Variants in PTPRT observed in about 807,000 individuals in gnomAD.
The protein encoded by PTPRT is protein tyrosine phosphatase receptor type T, also known as receptor-type tyrosine-protein phosphatase T.
Under a neutral mutation model 176.8 loss-of-function variants are expected in PTPRT, and 56 were observed. The observed-to-expected ratio is 0.32, with a 90% CI of 0.26 to 0.40. PTPRT has a LOEUF of 0.40. PTPRT is among the 10% of genes least tolerant of loss of function. PTPRT has a pLI of 1.00. For synonymous variants in PTPRT, 783 were observed against 739.0 expected, an observed-to-expected ratio of 1.06 and a Z score of -0.96; for missense variants, 1,540 against 1,908.2, an observed-to-expected ratio of 0.81 and a Z score of 3.60.
intron 7 of PTPRT, among the ~76,000 whole-genome samples, chr20:42,596,171 A>C (rs1332366229): frequency 3.3e-5 from 5 of 152,174 alleles, no homozygotes; most frequent in Non-Finnish European, 7.3e-5. Flanking sequence ...AGATCTATCA[A>C]GGAGAAGCTT....
rs535540662 is a variant in PTPRT at position 42,679,298 on chromosome 20, GAA to G, written c.860-1141_860-1140del. Among the ~76,000 whole-genome samples the G allele has an allele frequency of 2.3e-3, 329 of 141,614 alleles. 4 individuals are homozygous for G. The highest frequency in any genetic ancestry group is 7.9e-3 in the African/African-American group (313 of 39,428). The allele number at this position is 141,614 out of a possible 152,430, so 92.9% of individuals were successfully genotyped here. The stretch of plus-strand genomic sequence containing the variant: ...GCATTATCACCTTAACTTTAATGGG[GAA>G]AAAAAAAAAAACTGACAACCTAAGA... On this transcript the variant is annotated intron_variant, in intron 6 of 30. Coordinates refer to ENST00000373187, the MANE Select transcript of PTPRT (RefSeq NM_007050.6).
chr20:42,919,666 C>A (rs1201301315), intron 1 of PTPRT, among the ~76,000 whole-genome samples: 1 of 152,170 alleles, frequency 6.6e-6, no homozygotes, highest in Non-Finnish European at 1.5e-5. Context: ...AAAGAAAAAT[C>A]ATTTGAATTA....
chr20:43,039,707 C>T (rs1187007870), intron 1 of PTPRT, among the ~76,000 whole-genome samples: 1 of 152,006 alleles, frequency 6.6e-6, no homozygotes, highest in African/African-American at 2.4e-5. Context: ...AAAGAAAGAA[C>T]TAATAGTTCT....
At chr20:42,427,353 T>A (rs2059173987) in intron 9 of PTPRT, among the ~76,000 whole-genome samples, 1 of 152,192 alleles carries the variant, frequency 6.6e-6, no homozygotes. Context: ...GTAAAACTTA[T>A]AAAATCTGTC....
At chr20:42,237,952 A>T (rs955094594) in intron 14 of PTPRT, among the ~76,000 whole-genome samples, 2 of 152,190 alleles carry the variant, frequency 1.3e-5, no homozygotes, top group East Asian at 3.9e-4. Context: ...TACAGTCGTT[A>T]TAACTGCAGA....
chr20:43,082,484 A>G (rs1223113544), intron 1 of PTPRT, among the ~76,000 whole-genome samples: 1 of 152,114 alleles, frequency 6.6e-6, no homozygotes, highest in Non-Finnish European at 1.5e-5. Flanking sequence ...CAACCCTTGG[A>G]CTGCTTTCCT....
intron 16 of PTPRT, among the ~76,000 whole-genome samples, chr20:42,187,815 GTT>G (rs1990842740): frequency 6.6e-6 from 1 of 152,210 alleles, no homozygotes; most frequent in Non-Finnish European, 1.5e-5. Context: ...ATAGCCCACT[GTT>G]TTGATGTTAT....
At chr20:43,181,753 G>A (rs890192654) in intron 1 of PTPRT, among the ~76,000 whole-genome samples, 9 of 151,998 alleles carry the variant, frequency 5.9e-5, no homozygotes, top group Non-Finnish European at 1.0e-4. Flanking sequence ...CCCAGATTCC[G>A]ATGTTCCCAC....
rs557512407 is a variant in PTPRT at position 42,965,406 on chromosome 20, GAGTGTAGATA to G, written c.89-79484_89-79475del. 1.5e-3 allele frequency among the ~76,000 whole-genome samples: 228 copies of G among 152,284 alleles called. 1 individual carries two copies. The highest frequency in any genetic ancestry group is 5.2e-3 in the African/African-American group (217 of 41,540). On this transcript the variant is annotated intron_variant, in intron 1 of 30. Transcript: ENST00000373187. ...ATACAATAGACATGAATAACCTCAA[GAGTGTAGATA>G]ATAAACCGTAGTAAAATAATTAGGG... is the stretch of plus-strand genomic sequence containing the variant.
At chr20:42,350,060 G>A (rs544229462) in intron 11 of PTPRT, among the ~76,000 whole-genome samples, 11 of 152,234 alleles carry the variant, frequency 7.2e-5, no homozygotes, top group African/African-American at 1.9e-4. Flanking sequence ...CAGCAAACCT[G>A]TCTATCTGGC....
chr20:42,331,496 T>C (rs2057963602), intron 11 of PTPRT, among the ~76,000 whole-genome samples: 1 of 152,018 alleles, frequency 6.6e-6, no homozygotes, highest in African/African-American at 2.4e-5. Flanking sequence ...AAAATGTAAA[T>C]GGAATAATTA....
chr20:42,668,751 G>C (rs888054350), intron 7 of PTPRT, among the ~76,000 whole-genome samples: 1 of 151,350 alleles, frequency 6.6e-6, no homozygotes, highest in African/African-American at 2.4e-5. Flanking sequence ...GAGTACAGTG[G>C]CACAATCTCG....
At chr20:43,166,698 A>G (rs574234658) in intron 1 of PTPRT, among the ~76,000 whole-genome samples, 141 of 152,336 alleles carry the variant, frequency 9.3e-4, no homozygotes, top group African/African-American at 3.2e-3. Context: ...AAAACTGGAG[A>G]AAAATTCAAT....
At chr20:42,314,191 G>A (rs2057679035) in intron 12 of PTPRT, among the ~76,000 whole-genome samples, 1 of 152,108 alleles carries the variant, frequency 6.6e-6, no homozygotes, top group Non-Finnish European at 1.5e-5. Context: ...AACTTAATAT[G>A]AACTGTAGGG....
At chr20:42,034,607 C>T in the PTPRT span, among the ~76,000 whole-genome samples, 1 of 152,278 alleles carries the variant, frequency 6.6e-6, no homozygotes, top group Admixed American at 6.5e-5. Flanking sequence ...GCACAGAGAT[C>T]TTCCAGGGAG....
At chr20:42,270,176 T>C (rs1409042703) in intron 13 of PTPRT, among the ~76,000 whole-genome samples, 1 of 151,332 alleles carries the variant, frequency 6.6e-6, no homozygotes, top group South Asian at 2.1e-4. Flanking sequence ...TAAGCATTAG[T>C]AGAAGGAATG....
At chr20:42,318,863 C>T (rs1333730230) in intron 11 of PTPRT, among the ~76,000 whole-genome samples, 2 of 152,158 alleles carry the variant, frequency 1.3e-5, no homozygotes, top group African/African-American at 4.8e-5. Context: ...GGGACTGAAT[C>T]CCCCTCCAAG....
chr20:42,757,818 G>A (rs919444950), intron 5 of PTPRT, among the ~76,000 whole-genome samples: 1 of 152,204 alleles, frequency 6.6e-6, no homozygotes, highest in African/African-American at 2.4e-5. Flanking sequence ...CTCTTTCACA[G>A]TTGCAGGTTA....
chr20:42,468,470 A>G (rs1386445608), intron 8 of PTPRT, among the ~76,000 whole-genome samples: 2 of 152,244 alleles, frequency 1.3e-5, no homozygotes, highest in Non-Finnish European at 2.9e-5. Flanking sequence ...CTCAGAATAC[A>G]GAACTGAGGA....
Sources: gnomAD v4.1 joint callset for allele counts (sites outside exome capture counted in the v4.1 genomes callset) on GRCh38, gnomAD v4.1.1 for gene constraint, MANE v1.5 for transcripts, NCBI Gene and HGNC (gene_info 2026-07-23, HGNC 2026-07-21) for gene names.